DRD2: variants seen among roughly 807,000 people sequenced by gnomAD.
The protein encoded by DRD2 is D(2) dopamine receptor.
In DRD2, 8 loss-of-function variants were observed where a neutral mutation model predicts 38.0. The observed-to-expected ratio is 0.21, with a 90% CI of 0.12 to 0.38. DRD2 has a LOEUF of 0.38. Among genes scored for constraint, DRD2 ranks in the 10% least tolerant of loss-of-function variants. DRD2 has a pLI of 1.00. For missense variants in DRD2, 403 were observed against 607.7 expected (o/e 0.66, Z 3.54); for synonymous variants, 230 against 238.6 (o/e 0.96, Z 0.33).
chr11:113,465,399 T>TTTG (rs1243903430), intron 1 of DRD2, among the ~76,000 whole-genome samples: 6 of 141,358 alleles, frequency 4.2e-5, no homozygotes, highest in South Asian at 2.5e-4. Flanking sequence ...CTGGCCAGTT[T>TTTG]TTGTTGTTGT....
intron 5 of DRD2, among the ~76,000 whole-genome samples, chr11:113,415,051 C>T (rs573090816): frequency 2.0e-4 from 31 of 151,894 alleles, no homozygotes; most frequent in African/African-American, 7.2e-4. Flanking sequence ...ACAGAGAGTA[C>T]GGAAGGTAAA....
rs1951474213 is a variant in DRD2 at position 113,475,368 on chromosome 11, G to C, written c.-324C>G. On this transcript the variant is annotated 5_prime_UTR_variant, in exon 1 of 8. Coordinates refer to ENST00000362072, the MANE Select transcript of DRD2 (RefSeq NM_000795.4). ...CGCGGGGACGGGGCGGAGGCGGCGCGGTGCGCGCGTGAGGCTGCCGGTTCG... is the reference window on the plus strand; with the variant it reads ...CGCGGGGACGGGGCGGAGGCGGCGCCGTGCGCGCGTGAGGCTGCCGGTTCG... 6.6e-6 allele frequency: 1 copy of C among 151,142 alleles called. No homozygotes were observed. Among genetic ancestry groups the C allele is most frequent in the Non-Finnish European group, 1.5e-5 (1 of 67,346 alleles). 9.4% of individuals were successfully genotyped at this position (151,142 alleles called of 1,614,324 possible).
chr11:113,462,244 C>T (rs538073935), intron 1 of DRD2, among the ~76,000 whole-genome samples: 7 of 152,304 alleles, frequency 4.6e-5, no homozygotes, highest in Non-Finnish European at 8.8e-5. Context: ...TCCACCAAGG[C>T]AGGAAGCTCC....
intron 1 of DRD2, among the ~76,000 whole-genome samples, chr11:113,426,108 A>G (rs1472576969): frequency 6.6e-6 from 1 of 152,158 alleles, no homozygotes; most frequent in East Asian, 1.9e-4. Context: ...AGTGGAAACG[A>G]GGATGGAGAG....
At chr11:113,425,446 C>T (rs750531566) in intron 1 of DRD2, among the ~76,000 whole-genome samples, 1 of 152,072 alleles carries the variant, frequency 6.6e-6, no homozygotes, top group South Asian at 2.1e-4. Context: ...AGGGACCTGG[C>T]AAGGGTTGAG....
At chr11:113,425,459 TG>T in intron 1 of DRD2, among the ~76,000 whole-genome samples, 1 of 152,254 alleles carries the variant, frequency 6.6e-6, no homozygotes, top group South Asian at 2.1e-4. Context: ...GGGTTGAGTC[TG>T]GGGAGGTTGC....
chr11:113,468,293 C>T (rs1477994588), intron 1 of DRD2, among the ~76,000 whole-genome samples: 1 of 152,120 alleles, frequency 6.6e-6, no homozygotes, highest in Non-Finnish European at 1.5e-5. Context: ...GGTTTAACTA[C>T]CATATGGTGT....
rs1477850171 is a variant in DRD2 at position 113,452,484 on chromosome 11, G to A, written c.-32+22592C>T. Among the ~76,000 whole-genome samples, 59 of 135,810 alleles carry A rather than the reference G, an allele frequency of 4.3e-4. No homozygotes were observed. The South Asian group carries it at 7.7e-3, about 18-fold the overall frequency. The allele number at this position is 135,810 out of a possible 152,430, so 89.1% of individuals were successfully genotyped here. On this transcript the variant is annotated intron_variant, in intron 1 of 7. Coordinates refer to ENST00000362072, the MANE Select transcript of DRD2 (RefSeq NM_000795.4). ...TGTGTGTGTGTGCGCGCGCGCGCGC[G>A]CGCACATTGGGGGACAGGAAATGAG...
intron 1 of DRD2, among the ~76,000 whole-genome samples, chr11:113,426,530 C>T (rs980094888): frequency 6.6e-6 from 1 of 152,134 alleles, no homozygotes; most frequent in South Asian, 2.1e-4. Context: ...CAATTGATGC[C>T]ATTTGGGATG....
chr11:113,466,426 C>G (rs911440320), intron 1 of DRD2, among the ~76,000 whole-genome samples: 22 of 52,990 alleles, frequency 4.2e-4, no homozygotes, highest in Non-Finnish European at 1.6e-3. Context: ...CCTCAACAGC[C>G]CCCCCAGTGC....
chr11:113,426,246 T>C (rs905815375), intron 1 of DRD2, among the ~76,000 whole-genome samples: 1 of 151,990 alleles, frequency 6.6e-6, no homozygotes, highest in African/African-American at 2.4e-5. Context: ...CTAGGATTTC[T>C]GCGTGGGGCT....
intron 1 of DRD2, among the ~76,000 whole-genome samples, chr11:113,456,185 C>T (rs1343455594): frequency 6.6e-6 from 1 of 152,148 alleles, no homozygotes; most frequent in Non-Finnish European, 1.5e-5. Context: ...TGAAATAAGC[C>T]AAGCACAGAA....
intron 1 of DRD2, among the ~76,000 whole-genome samples, chr11:113,425,824 C>T (rs752221920): frequency 3.3e-5 from 5 of 152,072 alleles, no homozygotes; most frequent in Non-Finnish European, 7.3e-5. Context: ...TCCAGACAGA[C>T]AATATGACAT....
Position 113,412,761 on chromosome 11 carries a change from G to A in DRD2, c.933C>T (p.Ser311=). ...CGGGAGTGCTGTGGAGACCATGGTG[G>A]GACGGGTCGGGGAGAGTCAGCTGGT... ...SHHQLTLPDP[S]HHGLHSTPDS... Residue 311 remains serine (S), a synonymous_variant, in exon 7 of 8, where the codon TCC becomes TCT. Transcript: ENST00000362072. 6.2e-7 allele frequency: 1 copy of A among 1,613,856 alleles called. No individual in the cohort carries two copies. Among genetic ancestry groups the A allele is most frequent in the South Asian group, 1.1e-5 (1 of 91,062 alleles).
chr11:113,465,843 G>A (rs1951363910), intron 1 of DRD2, among the ~76,000 whole-genome samples: 1 of 152,168 alleles, frequency 6.6e-6, no homozygotes, highest in Non-Finnish European at 1.5e-5. Flanking sequence ...ATAAAATTTG[G>A]AGCACAGGTT....
chr11:113,416,313 C>T (rs1950826193), intron 4 of DRD2, among the ~76,000 whole-genome samples: 4 of 152,182 alleles, frequency 2.6e-5, no homozygotes, highest in Non-Finnish European at 5.9e-5. Context: ...CTGGCGGGGG[C>T]TTTGTGTTGC....
intron 5 of DRD2, among the ~76,000 whole-genome samples, chr11:113,415,127 G>C (rs563227953): frequency 6.6e-6 from 1 of 152,160 alleles, no homozygotes; most frequent in South Asian, 2.1e-4. Flanking sequence ...GAGGAAGAGA[G>C]GAGCCCACGG....
At chr11:113,462,070 G>A (rs546243302) in intron 1 of DRD2, among the ~76,000 whole-genome samples, 1 of 152,114 alleles carries the variant, frequency 6.6e-6, no homozygotes, top group South Asian at 2.1e-4. Flanking sequence ...TTTTAATCCT[G>A]AACTCCCAGT....
chr11:113,435,369 G>C (rs111931564), intron 1 of DRD2, among the ~76,000 whole-genome samples: 149 of 152,206 alleles, frequency 9.8e-4, no homozygotes, highest in Middle Eastern at 3.4e-3. Flanking sequence ...GATGCTGAGC[G>C]GGGTGGTGGC....
Sources: gnomAD v4.1 joint callset for allele counts (sites outside exome capture counted in the v4.1 genomes callset) on GRCh38, gnomAD v4.1.1 for gene constraint, MANE v1.5 for transcripts, NCBI Gene and HGNC (gene_info 2026-07-23, HGNC 2026-07-21) for gene names.